CAPZB: variants seen among roughly 807,000 people sequenced by gnomAD.
The protein encoded by CAPZB is F-actin-capping protein subunit beta.
CAPZB carries 2 observed loss-of-function variants against 38.1 expected under a neutral mutation model. The observed-to-expected ratio is 0.05, with a 90% CI of 0.02 to 0.17. CAPZB has a LOEUF of 0.17. Among genes scored for constraint, CAPZB ranks in the 10% least tolerant of loss-of-function variants. CAPZB has a pLI of 1.00. For synonymous variants in CAPZB, 107 were observed against 127.4 expected (o/e 0.84, Z 1.08); for missense variants, 161 against 334.2 (o/e 0.48, Z 4.04).
At chr1:19,385,382 C>T (rs779282015) in intron 3 of CAPZB, 123 bp downstream of exon 3, 11 of 1,063,926 alleles carry the variant, frequency 1.0e-5, no homozygotes, top group Admixed American at 2.1e-5. Context: ...AGGGAACAAA[C>T]GGAAGGAAAG....
intron 2 of CAPZB, among the ~76,000 whole-genome samples, chr1:19,413,474 C>T (rs563275748): frequency 1.3e-5 from 2 of 152,298 alleles, no homozygotes; most frequent in Admixed American, 1.3e-4. Flanking sequence ...ACTGGGACCA[C>T]AGGCGCATGC....
intron 1 of CAPZB, 36 bp downstream of exon 1, chr1:19,485,400 G>A (rs886444273): frequency 3.8e-5 from 47 of 1,221,028 alleles, no homozygotes; most frequent in Non-Finnish European, 4.7e-5. Context: ...CTCCGGAGGG[G>A]CCCCCGGGCC....
chr1:19,361,915 T>C (rs530546753), intron 4 of CAPZB, among the ~76,000 whole-genome samples: 7 of 152,228 alleles, frequency 4.6e-5, no homozygotes, highest in Non-Finnish European at 7.3e-5. Flanking sequence ...AAGGTGGCTC[T>C]ACCATCGCCA....
At chr1:19,448,036 T>G (rs1206762741) in intron 1 of CAPZB, among the ~76,000 whole-genome samples, 1 of 151,682 alleles carries the variant, frequency 6.6e-6, no homozygotes, top group Non-Finnish European at 1.5e-5. Context: ...CCCCCAGGAG[T>G]GGGTGGAGCT....
At chr1:19,401,109 G>C (rs2094300979) in intron 2 of CAPZB, among the ~76,000 whole-genome samples, 1 of 151,796 alleles carries the variant, frequency 6.6e-6, no homozygotes, top group Admixed American at 6.6e-5. Context: ...CATGGTGAGA[G>C]ACACTCATCA....
chr1:19,437,948 A>G lies in CAPZB; in HGVS notation c.4-18198T>C, dbSNP rs554951510. ...TCCTCTAACACGAAGGTGGAAATCA[A>G]TTCGCTTTCCCCTTCTAACCCTTGA... is the stretch of plus-strand genomic sequence containing the variant. On this transcript the variant is annotated intron_variant, in intron 1 of 8. Transcript: ENST00000264202. 2.0e-5 allele frequency among the ~76,000 whole-genome samples: 3 copies of G among 152,332 alleles called. No homozygotes were observed. The East Asian group carries it at 5.8e-4, about 29-fold the overall frequency.
chr1:19,469,741 T>TATACACAC (rs369308849), intron 1 of CAPZB, among the ~76,000 whole-genome samples: 13 of 136,722 alleles, frequency 9.5e-5, no homozygotes, highest in African/African-American at 3.6e-4. Flanking sequence ...AGGAAAAGAA[T>TATACACAC]ACACACACAC....
intron 2 of CAPZB, among the ~76,000 whole-genome samples, chr1:19,404,306 G>A (rs2094319428): frequency 6.6e-6 from 1 of 150,810 alleles, no homozygotes; most frequent in Non-Finnish European, 1.5e-5. Context: ...CACTTTGGGA[G>A]GCCGAGGCAG....
intron 2 of CAPZB, among the ~76,000 whole-genome samples, chr1:19,398,768 C>T (rs1366286595): frequency 1.3e-5 from 2 of 151,920 alleles, no homozygotes; most frequent in African/African-American, 4.8e-5. Context: ...GCAGGGCTGG[C>T]AGTTAGGGCA....
chr1:19,406,773 T>C (rs768073816), intron 2 of CAPZB, among the ~76,000 whole-genome samples: 1 of 152,186 alleles, frequency 6.6e-6, no homozygotes, highest in African/African-American at 2.4e-5. Flanking sequence ...TGGCACACGA[T>C]AGTCATCTCT....
At position 19,453,445 on chromosome 1, in the gene CAPZB, G is replaced by A. The variant is rs138941981; in HGVS notation, c.3+31991C>T. On this transcript the variant is annotated intron_variant, in intron 1 of 8. Coordinates refer to ENST00000264202, the MANE Select transcript of CAPZB (RefSeq NM_004930.5). Reference sequence around the variant, plus strand: ...CCAGCTAATTTTTGTATTTTTAGTAGAGACGGCGTTTCACCATGTTGGCCA... The same window carrying A: ...CCAGCTAATTTTTGTATTTTTAGTAAAGACGGCGTTTCACCATGTTGGCCA... Among the ~76,000 whole-genome samples the A allele has an allele frequency of 7.9e-3, 1,195 of 151,766 alleles. 23 individuals carry two copies. Among genetic ancestry groups the A allele is most frequent in the African/African-American group, 0.028 (1,138 of 41,346 alleles).
chr1:19,444,323 C>T (rs977097820), intron 1 of CAPZB, among the ~76,000 whole-genome samples: 12 of 152,202 alleles, frequency 7.9e-5, no homozygotes, highest in Non-Finnish European at 1.2e-4. Context: ...CCCCCCAGCC[C>T]TGAGGTCTCA....
chr1:19,427,286 C>A (rs2094426346), intron 1 of CAPZB, among the ~76,000 whole-genome samples: 1 of 152,202 alleles, frequency 6.6e-6, no homozygotes, highest in African/African-American at 2.4e-5. Context: ...TCTGTCTGTA[C>A]ATAAACAACC....
chr1:19,446,384 C>T (rs1329478489), intron 1 of CAPZB, among the ~76,000 whole-genome samples: 2 of 152,022 alleles, frequency 1.3e-5, no homozygotes, highest in Non-Finnish European at 2.9e-5. Flanking sequence ...TGACAGTGAG[C>T]CATGTAAGAA....
chr1:19,469,284 C>T (rs912417630), intron 1 of CAPZB, among the ~76,000 whole-genome samples: 8 of 152,104 alleles, frequency 5.3e-5, no homozygotes, highest in African/African-American at 1.9e-4. Flanking sequence ...ACATCTTTTA[C>T]GGCAGTAGAT....
chr1:19,448,752 C>A (rs10442634), intron 1 of CAPZB: 2 of 1,517,132 alleles, frequency 1.3e-6, no homozygotes, highest in Non-Finnish European at 9.1e-7. Flanking sequence ...TCTCCCTTCA[C>A]CCTGGCAGTT....
intron 1 of CAPZB, among the ~76,000 whole-genome samples, chr1:19,452,879 C>G (rs1178350419): frequency 3.3e-5 from 5 of 150,190 alleles, no homozygotes; most frequent in African/African-American, 1.2e-4. Context: ...TCTTGGCTCA[C>G]TGCAACCTCT....
chr1:19,444,866 C>T (rs1382662290), intron 1 of CAPZB, among the ~76,000 whole-genome samples: 1 of 152,138 alleles, frequency 6.6e-6, no homozygotes, highest in Non-Finnish European at 1.5e-5. Context: ...CCTCAGCCTC[C>T]CAAGCAGCTG....
intron 1 of CAPZB, among the ~76,000 whole-genome samples, chr1:19,453,452 C>T (rs938107745): frequency 1.4e-5 from 2 of 147,704 alleles, no homozygotes; most frequent in East Asian, 2.1e-4. Flanking sequence ...GTAGAGACGG[C>T]GTTTCACCAT....
Sources: allele counts gnomAD v4.1 joint callset (sites outside exome capture counted in the v4.1 genomes callset), GRCh38; gene constraint gnomAD v4.1.1; transcripts MANE v1.5; gene names NCBI Gene and HGNC (gene_info 2026-07-23, HGNC 2026-07-21).